ZFHX3: variants seen among roughly 807,000 people sequenced by gnomAD.
The protein encoded by ZFHX3 is zinc finger homeobox protein 3.
Under a neutral mutation model 279.1 loss-of-function variants are expected in ZFHX3, and 42 were observed. The observed-to-expected ratio is 0.15, with a 90% CI of 0.12 to 0.19. The LOEUF (loss-of-function observed/expected upper bound fraction) is 0.19, where lower values mean the gene tolerates loss of function less well. Ranked by LOEUF, ZFHX3 falls within the 10% of genes least tolerant of loss-of-function variation. The pLI is 1.00. For synonymous variants in ZFHX3, 2,293 were observed against 1,957.8 expected (o/e 1.17, Z -4.52); for missense variants, 4,981 against 4,754.0 (o/e 1.05, Z -1.40).
In ZFHX3 at chr16:72,958,081, G is replaced by A; in HGVS notation, c.2065C>T (p.His689Tyr). The A allele has an allele frequency of 6.2e-7, 1 of 1,614,052 alleles. No homozygotes were observed. Among genetic ancestry groups the A allele is most frequent in the Non-Finnish European group, 8.5e-7 (1 of 1,180,028 alleles). ...GGCTCCGGGTGCTTCTCCTTCATGT[G>A]TGCCTCCAGGGTCTGCTGGTACTTA... ...HYKYQQTLEAHMKEKHPEPGG... is the reference protein window; with the variant it reads ...HYKYQQTLEAYMKEKHPEPGG... Residue 689 changes from histidine (H) to tyrosine (Y), a missense_variant, in exon 2 of 10, where the codon CAC (histidine) becomes TAC (tyrosine). This residue lies in a region of ZFHX3 where 1,068 missense variants were observed against 935.2 expected (regional missense o/e 1.14). Coordinates refer to ENST00000268489, the MANE Select transcript of ZFHX3 (RefSeq NM_006885.4).
At chr16:73,506,573 A>G (rs930946314) in intron 2 of ZFHX3, among the ~76,000 whole-genome samples, 3 of 152,198 alleles carry the variant, frequency 2.0e-5, no homozygotes, top group African/African-American at 7.2e-5. Flanking sequence ...CTCCATGTCA[A>G]GCCTGGCTCT....
intron 3 of ZFHX3, among the ~76,000 whole-genome samples, chr16:73,323,307 C>T (rs1193202218): frequency 6.6e-6 from 1 of 152,162 alleles, no homozygotes. Flanking sequence ...CAAGAATAAC[C>T]ATCCAGCTAG....
chr16:73,574,344 G>GCC (rs1256566457), intron 2 of ZFHX3, among the ~76,000 whole-genome samples: 1 of 144,784 alleles, frequency 6.9e-6, no homozygotes, highest in African/African-American at 2.8e-5. Flanking sequence ...TCATTTCTTG[G>GCC]GCCCCCCCCA....
chr16:72,929,327 T>A (rs541691365), intron 3 of ZFHX3, among the ~76,000 whole-genome samples: 11 of 152,040 alleles, frequency 7.2e-5, no homozygotes, highest in African/African-American at 2.4e-4. Context: ...TCTACCTATA[T>A]GTTAAATTAA....
chr16:73,113,511 T>C (rs1435408359), intron 7 of ZFHX3, among the ~76,000 whole-genome samples: 2 of 152,168 alleles, frequency 1.3e-5, no homozygotes, highest in Admixed American at 6.5e-5. Context: ...TGAGGCATCC[T>C]TCGAGGCCTT....
At chr16:73,521,526 TG>T (rs2019608267) in intron 2 of ZFHX3, among the ~76,000 whole-genome samples, 1 of 152,104 alleles carries the variant, frequency 6.6e-6, no homozygotes, top group Non-Finnish European at 1.5e-5. Flanking sequence ...GTGATGTCTC[TG>T]TCTCACACTG....
intron 1 of ZFHX3, among the ~76,000 whole-genome samples, chr16:73,696,454 A>G (rs1364964987): frequency 2.6e-5 from 4 of 152,198 alleles, no homozygotes; most frequent in Non-Finnish European, 5.9e-5. Context: ...ACCTTGAGCC[A>G]AGGAAACAGT....
intron 3 of ZFHX3, among the ~76,000 whole-genome samples, chr16:73,322,333 G>T (rs2015592086): frequency 6.6e-6 from 1 of 151,990 alleles, no homozygotes; most frequent in South Asian, 2.1e-4. Flanking sequence ...TGGCGAGGCA[G>T]CTAGGTTTAA....
chr16:73,575,623 C>G (rs1464783119), intron 2 of ZFHX3, among the ~76,000 whole-genome samples: 1 of 152,184 alleles, frequency 6.6e-6, no homozygotes, highest in African/African-American at 2.4e-5. Flanking sequence ...TTCTCATTCA[C>G]ACGGAAGGAT....
At chr16:72,872,128 C>T (rs539503959) in intron 4 of ZFHX3, among the ~76,000 whole-genome samples, 17 of 151,866 alleles carry the variant, frequency 1.1e-4, no homozygotes. Context: ...CAAGGAATTA[C>T]AAATTGAAAT....
rs189717791 is a variant in ZFHX3 at position 72,805,415 on chromosome 16, G to A, written c.3865-5286C>T. 9.2e-5 allele frequency among the ~76,000 whole-genome samples: 14 copies of A among 152,198 alleles called. No individual in the cohort carries two copies. In the East Asian group the frequency reaches 9.6e-4, roughly 10 times the overall value. On this transcript the variant is annotated intron_variant, in intron 7 of 9. Transcript: ENST00000268489. ...TTCCAGGTGAAAGTATAGATTTGCC[G>A]ATACCTAGGCTCCCAAGGATGCCTC...
Position 72,793,192 on chromosome 16 carries a change from C to T in ZFHX3, c.9427+63G>A. 6.5e-7 allele frequency: 1 copy of T among 1,537,900 alleles called. No homozygotes were observed. Among genetic ancestry groups the T allele is most frequent in the East Asian group, 2.3e-5 (1 of 44,318 alleles). ...ACTCAGAGGGTTTGGGTGGTATCCA[C>T]ATAACAGAATGCTGACTGGGCAGCT... On this transcript the variant is annotated intron_variant, in intron 9 of 9. Transcript: ENST00000268489. This position sits in a 1 kb window ranked among gnomAD's most constrained non-coding sequence, Gnocchi z 4.3.
At chr16:73,510,168 G>T (rs989102512) in intron 2 of ZFHX3, among the ~76,000 whole-genome samples, 15 of 152,032 alleles carry the variant, frequency 9.9e-5, no homozygotes, top group African/African-American at 3.1e-4. Context: ...CAAATCTAAA[G>T]GCATCATCTA....
At chr16:73,023,551 C>T (rs536426110) in intron 1 of ZFHX3, among the ~76,000 whole-genome samples, 34 of 152,346 alleles carry the variant, frequency 2.2e-4, no homozygotes, top group African/African-American at 7.9e-4. Flanking sequence ...GCCCCCGGCT[C>T]CCTCCCACGA....
rs151316469 is a variant in ZFHX3 at position 73,783,509 on chromosome 16, C to T, written c.-1607-103269G>A. Among the ~76,000 whole-genome samples, 62 of 152,286 alleles carry T rather than the reference C, an allele frequency of 4.1e-4. 1 individual carries two copies. The highest frequency in any genetic ancestry group is 1.3e-3 in the African/African-American group (56 of 41,556). On this transcript the variant is annotated intron_variant, in intron 1 of 17. Transcript: ENST00000641206. Reference sequence around the variant, plus strand: ...TTTAAGGTGGACAACAGTCAAAATTCGTTGTTGCTTTTTTAACCTGGAAAA... The same window carrying T: ...TTTAAGGTGGACAACAGTCAAAATTTGTTGTTGCTTTTTTAACCTGGAAAA...
intron 2 of ZFHX3, among the ~76,000 whole-genome samples, chr16:73,530,061 T>C (rs1214237974): frequency 2.6e-5 from 4 of 152,030 alleles, no homozygotes; most frequent in Non-Finnish European, 5.9e-5. Flanking sequence ...TGAGACTGGG[T>C]AAATTACAGA....
intron 2 of ZFHX3, among the ~76,000 whole-genome samples, chr16:73,520,652 A>G (rs551898096): frequency 6.6e-6 from 1 of 152,358 alleles, no homozygotes; most frequent in Admixed American, 6.5e-5. Context: ...TCTAGCAAGC[A>G]TACATAGTAG....
In ZFHX3 at chr16:73,624,989, T is replaced by C. The variant is rs1260275816; in HGVS notation, c.-1547+55191A>G. On this transcript the variant is annotated intron_variant, in intron 2 of 17. Transcript: ENST00000641206. Reference sequence around the variant, plus strand: ...GTCCCATTTTCATGGGCCCAGAAGATGGACAAATTTCATTTTTCCTGTTAC... The same window carrying C: ...GTCCCATTTTCATGGGCCCAGAAGACGGACAAATTTCATTTTTCCTGTTAC... Among the ~76,000 whole-genome samples, 6 of 152,378 alleles carry C rather than the reference T, an allele frequency of 3.9e-5. No individual in the cohort carries two copies. In the East Asian group the frequency reaches 9.6e-4, roughly 24 times the overall value.
rs538438071 is a variant in ZFHX3, at chr16:73,107,985, C to T, written c.-896-14387G>A. On this transcript the variant is annotated intron_variant, in intron 7 of 17. Coordinates refer to the ZFHX3 transcript ENST00000641206. Reference sequence around the variant, plus strand: ...GACCATCTTGGCTAACACAGTGAAACCCAGTCTCTACTAAAAATACAAAAA... The same window carrying T: ...GACCATCTTGGCTAACACAGTGAAATCCAGTCTCTACTAAAAATACAAAAA... Among the ~76,000 whole-genome samples the T allele has an allele frequency of 7.2e-5, 11 of 152,202 alleles. No homozygotes were observed. In the South Asian group the frequency reaches 2.3e-3, roughly 32 times the overall value.
Sources: gnomAD v4.1 joint callset for allele counts (sites outside exome capture counted in the v4.1 genomes callset) on GRCh38, gnomAD v4.1.1 for gene constraint, gnomAD v4.1.1 regional missense constraint, Gnocchi (gnomAD v3.1) non-coding constraint, MANE v1.5 for transcripts, NCBI Gene and HGNC (gene_info 2026-07-23, HGNC 2026-07-21) for gene names.